ALG2: variants seen among roughly 807,000 people sequenced by gnomAD.
The protein encoded by ALG2 is ALG2 alpha-1,3/1,6-mannosyltransferase.
ALG2 carries 32 observed loss-of-function variants against 30.5 expected under a neutral mutation model. That is an observed-to-expected ratio of 1.05 (90% CI 0.79 to 1.41). The LOEUF (loss-of-function observed/expected upper bound fraction) is 1.41. Ranked by LOEUF, ALG2 falls within the 40% of genes most tolerant of loss-of-function variation. ALG2 has a pLI of 0.00. For synonymous variants in ALG2, 253 were observed against 224.8 expected, an observed-to-expected ratio of 1.13 and a Z score of -1.12; for missense variants, 574 against 526.4, an observed-to-expected ratio of 1.09 and a Z score of -0.88.
rs771505760 is a variant in ALG2 at position 99,221,050 on chromosome 9, T to C, written c.348+497A>G. ...TGTACAAGTTTTAATAGGGGCATGATATATTCAGCTTGGCGTTTTTAACAC... is the reference window on the plus strand; with the variant it reads ...TGTACAAGTTTTAATAGGGGCATGACATATTCAGCTTGGCGTTTTTAACAC... On this transcript the variant is annotated intron_variant, in intron 1 of 1. Transcript: ENST00000476832. The C allele has an allele frequency of 6.6e-6, 9 of 1,354,322 alleles. No individual in the cohort carries two copies. The East Asian group carries it at 3.2e-4, about 48-fold the overall frequency. The allele number at this position is 1,354,322 out of a possible 1,614,324, so 83.9% of individuals were successfully genotyped here.
At chr9:99,219,723 G>A (rs1564219179) in intron 1 of ALG2, among the ~76,000 whole-genome samples, 1 of 152,180 alleles carries the variant, frequency 6.6e-6, no homozygotes, top group Non-Finnish European at 1.5e-5. Flanking sequence ...AAAACCTGAA[G>A]AAGGTAACTT....
chr9:99,221,483 A>C (rs540482823), intron 1 of ALG2, 64 bp downstream of exon 1: 1 of 1,500,898 alleles, frequency 6.7e-7, no homozygotes, highest in South Asian at 1.2e-5. Context: ...CTCAGGGGTC[A>C]TGCCCGCGGC....
chr9:99,221,649 G>A lies in ALG2; in HGVS notation c.246C>T (p.Gly82=), dbSNP rs758978218. Residue 82 remains glycine, a synonymous_variant, in exon 1 of 2, where the codon GGC becomes GGT. Coordinates refer to ENST00000476832, the MANE Select transcript of ALG2 (RefSeq NM_033087.4). The part of the protein sequence containing the change: ...GDWLPRGLGW[G]GRGAAVCAYV... The stretch of plus-strand genomic sequence containing the variant: ...AGGCGCAGACGGCGGCGCCGCGGCC[G>A]CCCCAGCCCAGGCCTCGCGGCAGCC... 3.9e-6 allele frequency: 6 copies of A among 1,541,686 alleles called. No homozygotes were observed. Among genetic ancestry groups the A allele is most frequent in the South Asian group, 1.2e-5 (1 of 84,632 alleles).
rs767423282 is a variant in ALG2 at position 99,218,849 on chromosome 9, A to G, written c.349-13T>C. 5 of 1,601,300 alleles carry G rather than the reference A, an allele frequency of 3.1e-6. No individual in the cohort carries two copies. The highest frequency in any genetic ancestry group is 8.5e-7 in the Non-Finnish European group (1 of 1,179,902). On this transcript the variant is annotated splice_polypyrimidine_tract_variant and intron_variant, in intron 1 of 1. Transcript: ENST00000476832. ...TACAGGCAGACACCTAGCCAAAGCA[A>G]AAATCAACAGCGGATAAAGTGGTCA...
chr9:99,221,858 G>T lies in ALG2; in HGVS notation c.37C>A (p.Pro13Thr). The T allele has an allele frequency of 6.3e-7, 1 of 1,593,078 alleles. No homozygotes were observed. The highest frequency in any genetic ancestry group is 8.5e-7 in the Non-Finnish European group (1 of 1,177,024). Reference sequence around the variant, plus strand: ...TGGAGGAACAGCACCGACGGCTTGGGAACCGAGTCCCGTTCCCGGCCCTGC... The same window carrying T: ...TGGAGGAACAGCACCGACGGCTTGGTAACCGAGTCCCGTTCCCGGCCCTGC... Reference protein sequence around the residue: ...EEQGRERDSVPKPSVLFLHPD... With the variant: ...EEQGRERDSVTKPSVLFLHPD... The change falls in exon 1 of 2, where the codon CCC becomes ACC. Residue 13 changes from proline (P) to threonine (T), a missense_variant. Transcript: ENST00000476832.
Position 99,221,673 on chromosome 9 carries a change from C to T in ALG2, c.222G>A (p.Trp74Ter), listed in dbSNP as rs1828806500. Reference protein sequence around the residue: ...RELPVRCAGDWLPRGLGWGGR... With the variant: ...RELPVRCAGD ...CGCCCCAGCCCAGGCCTCGCGGCAG[C>T]CAGTCCCCGGCACAGCGCACCGGTA... is the stretch of plus-strand genomic sequence containing the variant. Residue 74 changes from tryptophan (W) to a stop codon, truncating the protein, a stop_gained, in exon 1 of 2, where the codon TGG becomes TGA. Coordinates refer to ENST00000476832, the MANE Select transcript of ALG2 (RefSeq NM_033087.4). LOFTEE classifies it high-confidence loss of function. 1 of 1,558,384 alleles carries T rather than the reference C, an allele frequency of 6.4e-7. No individual in the cohort carries two copies. Among genetic ancestry groups the T allele is most frequent in the Non-Finnish European group, 8.6e-7 (1 of 1,156,734 alleles).
In ALG2 at chr9:99,217,248, T is replaced by C. The variant is rs2118995570; in HGVS notation, c.*686A>G. ...GCACAACACATGTGTGACAATATTC[T>C]TGCTTCATTTCAATATCCACTTTAC... On this transcript the variant is annotated 3_prime_UTR_variant, in exon 2 of 2. Coordinates refer to ENST00000476832, the MANE Select transcript of ALG2 (RefSeq NM_033087.4). The C allele has an allele frequency of 2.2e-6, 1 of 454,172 alleles. No homozygotes were observed. The highest frequency in any genetic ancestry group is 2.0e-5 in the African/African-American group (1 of 50,148). The allele number at this position is 454,172 out of a possible 1,614,324, so 28.1% of individuals were successfully genotyped here. A position where few individuals can be genotyped will look rare whatever the true frequency, so the allele number is the denominator to read the frequency against.
chr9:99,216,606 G>A lies in ALG2; in HGVS notation c.*1328C>T, dbSNP rs538633327. The A allele has an allele frequency of 6.6e-6, 3 of 454,002 alleles. No homozygotes were observed. Among genetic ancestry groups the A allele is most frequent in the African/African-American group, 2.0e-5 (1 of 50,106 alleles). 28.1% of individuals were successfully genotyped at this position (454,002 alleles called of 1,614,324 possible). The stretch of plus-strand genomic sequence containing the variant: ...AGCCCCAAAAGAACAATATGGTAGT[G>A]CAGCATGAACTAACATGCAATTTCT... On this transcript the variant is annotated 3_prime_UTR_variant, in exon 2 of 2. Coordinates refer to ENST00000476832, the MANE Select transcript of ALG2 (RefSeq NM_033087.4).
In ALG2 at chr9:99,221,586, GA is replaced by G; in HGVS notation, c.308del (p.Phe103SerfsTer10). 1 of 1,544,504 alleles carries G rather than the reference GA, an allele frequency of 6.5e-7. No individual in the cohort carries two copies. Among genetic ancestry groups the G allele is most frequent in the Non-Finnish European group, 8.7e-7 (1 of 1,146,084 alleles). ...CCACGTCGAACTCCTCGTCGGCGAG[GA>G]ACAGCACGTAGAGCGCCAGGAAAAC... ...RMVFLALYVL[F>X]LADEEFDVVV... is the part of the protein sequence containing the mutation. On this transcript the variant is annotated frameshift_variant, in exon 1 of 2. Transcript: ENST00000476832. LOFTEE classifies it high-confidence loss of function.
In ALG2 at chr9:99,221,878, C is replaced by G. The variant is rs180849348; in HGVS notation, c.17G>C (p.Gly6Ala). The G allele has an allele frequency of 0.01, 16,264 of 1,588,892 alleles. 104 individuals carry two copies. The highest frequency in any genetic ancestry group is 0.012 in the Non-Finnish European group (14,038 of 1,175,072). The change falls in exon 1 of 2, where the codon GGC becomes GCC. Residue 6 changes from glycine to alanine, a missense_variant. By Grantham distance (60) the Gly-to-Ala change is moderately conservative. Coordinates refer to ENST00000476832, the MANE Select transcript of ALG2 (RefSeq NM_033087.4). Reference protein sequence around the residue: MAEEQGRERDSVPKPS... With the variant: MAEEQARERDSVPKPS... The stretch of plus-strand genomic sequence containing the variant: ...CTTGGGAACCGAGTCCCGTTCCCGG[C>G]CCTGCTCCTCCGCCATGGCCCTGGA...
At position 99,221,707 on chromosome 9, in the gene ALG2, C is replaced by T. The variant is rs1452912779; in HGVS notation, c.188G>A (p.Ser63Asn). 6.3e-7 allele frequency: 1 copy of T among 1,592,646 alleles called. No individual in the cohort carries two copies. The highest frequency in any genetic ancestry group is 1.1e-5 in the South Asian group (1 of 89,918). ...HYDPGHCFAE[S>N]RELPVRCAGD... Reference sequence around the variant, plus strand: ...GGCACAGCGCACCGGTAGCTCGCGGCTCTCGGCGAAACAGTGGCCCGGGTC... The same window carrying T: ...GGCACAGCGCACCGGTAGCTCGCGGTTCTCGGCGAAACAGTGGCCCGGGTC... The change falls in exon 1 of 2, where the codon AGC (serine) becomes AAC (asparagine). Residue 63 changes from serine to asparagine, a missense_variant. Transcript: ENST00000476832.
chr9:99,220,976 TACCA>T (rs1278388009), intron 1 of ALG2: 5 of 1,352,336 alleles, frequency 3.7e-6, no homozygotes, highest in Non-Finnish European at 4.9e-6. Flanking sequence ...GGACATTATT[TACCA>T]AGGTAAAAAG....
rs180849348 is a variant in ALG2 at position 99,221,878 on chromosome 9, C to A, written c.17G>T (p.Gly6Val). 1.3e-6 allele frequency: 2 copies of A among 1,588,790 alleles called. No individual in the cohort carries two copies. Among genetic ancestry groups the A allele is most frequent in the African/African-American group, 1.3e-5 (1 of 74,722 alleles). The change falls in exon 1 of 2, where the codon GGC becomes GTC. Residue 6 changes from glycine to valine, a missense_variant. Transcript: ENST00000476832. The stretch of plus-strand genomic sequence containing the variant: ...CTTGGGAACCGAGTCCCGTTCCCGG[C>A]CCTGCTCCTCCGCCATGGCCCTGGA... MAEEQGRERDSVPKPS... is the reference protein window; with the variant it reads MAEEQVRERDSVPKPS...
chr9:99,218,228 A>AGGG lies in ALG2; in HGVS notation c.956_957insCCC (p.Leu319_Tyr320insPro), dbSNP rs1206425855. ...CAAAGTGCTCATTGCTTGGTGTGTA[A>AGGG]AGCACACACGTGCAGCTGTGGAGGA... On this transcript the variant is annotated inframe_insertion, in exon 2 of 2. Coordinates refer to ENST00000476832, the MANE Select transcript of ALG2 (RefSeq NM_033087.4). The AGGG allele has an allele frequency of 5.6e-6, 9 of 1,614,090 alleles. No homozygotes were observed. The African/African-American group carries it at 1.1e-4, about 19-fold the overall frequency.
intron 1 of ALG2, 137 bp from the exon 2 acceptor site, chr9:99,218,973 ACT>A: frequency 1.1e-6 from 1 of 928,020 alleles, no homozygotes; most frequent in Non-Finnish European, 1.7e-6. Flanking sequence ...ATTCCCCAAG[ACT>A]CTCACCCAGT....
chr9:99,218,056 T>A lies in ALG2; in HGVS notation c.1129A>T (p.Ile377Phe). 1 of 1,614,180 alleles carries A rather than the reference T, an allele frequency of 6.2e-7. No individual in the cohort carries two copies. Among genetic ancestry groups the A allele is most frequent in the Non-Finnish European group, 8.5e-7 (1 of 1,180,032 alleles). ...VHFSEAIEKF[I>F]REPSLKATMG... ...GTGGCTTTTAAGGAAGGTTCACGGA[T>A]GAACTTTTCTATTGCTTCTGAGAAG... The change falls in exon 2 of 2, where the codon ATC (isoleucine) becomes TTC (phenylalanine). Residue 377 changes from isoleucine (I) to phenylalanine (F), a missense_variant. By Grantham distance (21) the Ile-to-Phe change is conservative. Transcript: ENST00000476832.
At position 99,218,193 on chromosome 9, in the gene ALG2, G is replaced by C; in HGVS notation, c.992C>G (p.Pro331Arg). ...TPSNEHFGIVPLEAMYMQCPV... is the reference protein window; with the variant it reads ...TPSNEHFGIVRLEAMYMQCPV... Reference sequence around the variant, plus strand: ...GCACTGCATGTACATGGCTTCCAGAGGGACAATGCCAAAGTGCTCATTGCT... The same window carrying C: ...GCACTGCATGTACATGGCTTCCAGACGGACAATGCCAAAGTGCTCATTGCT... The change falls in exon 2 of 2, where the codon CCT becomes CGT. Residue 331 changes from proline to arginine, a missense_variant. Physicochemically the swap from Pro to Arg is moderately radical, Grantham distance 103. Transcript: ENST00000476832. 1 of 1,613,656 alleles carries C rather than the reference G, an allele frequency of 6.2e-7. No homozygotes were observed. The highest frequency in any genetic ancestry group is 8.5e-7 in the Non-Finnish European group (1 of 1,179,582).
chr9:99,221,092 C>T, intron 1 of ALG2: 1 of 1,361,412 alleles, frequency 7.3e-7, no homozygotes, highest in African/African-American at 1.5e-5. Flanking sequence ...CTGCTGAGGA[C>T]GGTGTGGCCT....
Position 99,218,119 on chromosome 9 carries a change from T to G in ALG2, c.1066A>C (p.Ser356Arg). The G allele has an allele frequency of 6.2e-7, 1 of 1,612,324 alleles. No homozygotes were observed. The highest frequency in any genetic ancestry group is 8.5e-7 in the Non-Finnish European group (1 of 1,178,738). ...SGGPLESIDH[S>R]VTGFLCEPDP... is the part of the protein sequence containing the mutation. ...GGCTCACACAGAAACCCTGTGACAC[T>G]GTGGTCAATGGACTCCAAGGGTCCA... The change falls in exon 2 of 2, where the codon AGT becomes CGT. Residue 356 changes from serine (S) to arginine (R), a missense_variant. Coordinates refer to ENST00000476832, the MANE Select transcript of ALG2 (RefSeq NM_033087.4).
Sources: allele counts gnomAD v4.1 joint callset (sites outside exome capture counted in the v4.1 genomes callset), GRCh38; gene constraint gnomAD v4.1.1; transcripts MANE v1.5; gene names NCBI Gene and HGNC (gene_info 2026-07-23, HGNC 2026-07-21).